PNKD: variants seen among roughly 807,000 people sequenced by gnomAD.
PNKD encodes probable thioesterase PNKD.
PNKD carries 36 observed loss-of-function variants against 45.3 expected under a neutral mutation model. That is an observed-to-expected ratio of 0.80 (90% CI 0.61 to 1.05). The LOEUF is 1.05. Among genes scored for constraint, PNKD ranks in the 50% least tolerant of loss-of-function variants. The pLI is 0.00. For synonymous variants in PNKD, 197 were observed against 210.1 expected (o/e 0.94, Z 0.54); for missense variants, 511 against 506.6 (o/e 1.01, Z -0.08).
chr2:218,323,183 A>T (rs1375004103), intron 2 of PNKD: 4 of 1,378,384 alleles, frequency 2.9e-6, no homozygotes, highest in Admixed American at 7.0e-5. Context: ...CAGAGCCGGC[A>T]GGCAGGTTCC....
chr2:218,275,229 A>C (rs1027877777), intron 2 of PNKD: 2 of 402,180 alleles, frequency 5.0e-6, no homozygotes, highest in African/African-American at 4.1e-5. Flanking sequence ...CGGGGAGAAG[A>C]CACATCTTCA....
chr2:218,336,792 T>C (rs1183556304), intron 2 of PNKD, among the ~76,000 whole-genome samples: 1 of 132,394 alleles, frequency 7.6e-6, no homozygotes, highest in African/African-American at 3.3e-5. Flanking sequence ...TCAATTCTTT[T>C]TTTTTTTTTT....
chr2:218,288,112 AC>A (rs1692662118), intron 2 of PNKD, among the ~76,000 whole-genome samples: 1 of 152,178 alleles, frequency 6.6e-6, no homozygotes, highest in African/African-American at 2.4e-5. Context: ...GACAAAGGAG[AC>A]TGATAACTAA....
chr2:218,313,121 T>TC (rs1398170106), intron 2 of PNKD, among the ~76,000 whole-genome samples: 2 of 151,982 alleles, frequency 1.3e-5, no homozygotes, highest in Admixed American at 1.3e-4. Flanking sequence ...TTTTTTTTTT[T>TC]TGGAGACAGT....
rs1475585923 is a variant in PNKD, at chr2:218,329,619, T to C, written c.237-10164T>C. 2.6e-5 allele frequency among the ~76,000 whole-genome samples: 4 copies of C among 152,210 alleles called. No individual in the cohort carries two copies. The South Asian group carries it at 6.2e-4, about 24-fold the overall frequency. ...GTCTGGGGAAGAACCTGTCCTGGGA[T>C]GGGCAGGGCGATGGCAGACCCTGAC... is the stretch of plus-strand genomic sequence containing the variant. On this transcript the variant is annotated intron_variant, in intron 2 of 9. Transcript: ENST00000273077.
intron 2 of PNKD, among the ~76,000 whole-genome samples, chr2:218,283,046 CTG>C (rs1436305883): frequency 6.6e-6 from 1 of 152,190 alleles, no homozygotes; most frequent in Non-Finnish European, 1.5e-5. Flanking sequence ...CCCAGGCTCT[CTG>C]TGAGTTCTAC....
At chr2:218,279,134 T>C in intron 2 of PNKD, 2 of 1,612,638 alleles carry the variant, frequency 1.2e-6, no homozygotes, top group Non-Finnish European at 1.7e-6. Flanking sequence ...CTGAGGCTTG[T>C]CTGCCCCACC....
rs567304424 is a variant in PNKD, at chr2:218,340,237, G to A, written c.465+96G>A. On this transcript the variant is annotated intron_variant, in intron 4 of 9. Coordinates refer to ENST00000273077, the MANE Select transcript of PNKD (RefSeq NM_015488.5). The surrounding 1 kb of genome is among the most constrained non-coding windows in gnomAD (Gnocchi z 4.2). ...AGGGCTGACCCTTGTCCGTCTGCCC[G>A]TGGGATGTGTCCCATATGCTCCATG... 6.2e-5 allele frequency: 48 copies of A among 779,388 alleles called. No individual in the cohort carries two copies. The highest frequency in any genetic ancestry group is 2.3e-4 in the Middle Eastern group (1 of 4,292). The allele number at this position is 779,388 out of a possible 1,614,324, so 48.3% of individuals were successfully genotyped here.
At position 218,334,746 on chromosome 2, in the gene PNKD, T is replaced by G. The variant is rs183433543; in HGVS notation, c.237-5037T>G. 582 of 702,832 alleles carry G rather than the reference T, an allele frequency of 8.3e-4. 8 individuals carry two copies. The East Asian group carries it at 0.015, about 18-fold the overall frequency. The allele number at this position is 702,832 out of a possible 1,614,324, so 43.5% of individuals were successfully genotyped here. A position where few individuals can be genotyped will look rare whatever the true frequency, so the allele number is the denominator to read the frequency against. ...CATACCAAGAGGCAAATGATGTCTA[T>G]ATATTGTTACTGGTGAGATTAACTT... is the stretch of plus-strand genomic sequence containing the variant. On this transcript the variant is annotated intron_variant, in intron 2 of 9. Transcript: ENST00000273077.
At chr2:218,277,177 C>T in intron 2 of PNKD, 1 of 1,291,348 alleles carries the variant, frequency 7.7e-7, no homozygotes, top group Non-Finnish European at 1.1e-6. Context: ...GCCAGGGAGT[C>T]CCAGTGCTGC....
At chr2:218,281,142 T>G (rs1391397381) in intron 2 of PNKD, 5 of 105,624 alleles carry the variant, frequency 4.7e-5, no homozygotes, top group Non-Finnish European at 1.2e-4. Context: ...TTTTTTTTGG[T>G]TTTTTTTTTG....
At chr2:218,280,374 C>T (rs989366605) in intron 2 of PNKD, 4 of 442,240 alleles carry the variant, frequency 9.0e-6, no homozygotes, top group Admixed American at 3.7e-5. Context: ...GTGCCCAGCC[C>T]ACGCCACTGG....
chr2:218,312,619 TC>T (rs1693650535), intron 2 of PNKD, among the ~76,000 whole-genome samples: 1 of 149,372 alleles, frequency 6.7e-6, no homozygotes, highest in East Asian at 2.0e-4. Flanking sequence ...ATGCCTGTAA[TC>T]CCAGCACTCT....
At chr2:218,341,744 G>A in intron 6 of PNKD, 118 bp downstream of exon 6, 2 of 842,962 alleles carry the variant, frequency 2.4e-6, no homozygotes, top group South Asian at 2.9e-5. Context: ...GCCCTTCCTG[G>A]CCCAATCCCA....
At chr2:218,316,551 G>A (rs1328170537) in intron 2 of PNKD, among the ~76,000 whole-genome samples, 1 of 152,156 alleles carries the variant, frequency 6.6e-6, no homozygotes, top group Non-Finnish European at 1.5e-5. Context: ...GATTACAGGC[G>A]TGAGCCACTG....
chr2:218,277,413 T>A, intron 2 of PNKD: 2 of 1,614,082 alleles, frequency 1.2e-6, no homozygotes, highest in Non-Finnish European at 8.5e-7. Context: ...ACCACCGCAG[T>A]GATGATCATT....
Position 218,306,475 on chromosome 2 carries a change from G to A in PNKD, c.237-33308G>A, listed in dbSNP as rs554575436. Among the ~76,000 whole-genome samples, 8 of 152,300 alleles carry A rather than the reference G, an allele frequency of 5.3e-5. No individual in the cohort carries two copies. In the East Asian group the frequency reaches 5.8e-4, roughly 11 times the overall value. ...GGAACATGTGTGGAGTACTTGAAAC[G>A]GCCCAGGCAAGGTGTCCTTTCTCTG... is the stretch of plus-strand genomic sequence containing the variant. On this transcript the variant is annotated intron_variant, in intron 2 of 9. Coordinates refer to ENST00000273077, the MANE Select transcript of PNKD (RefSeq NM_015488.5).
In PNKD at chr2:218,279,121, A is replaced by T. The variant is rs199611204; in HGVS notation, c.236+7572A>T. 106 of 1,613,434 alleles carry T rather than the reference A, an allele frequency of 6.6e-5. No individual in the cohort carries two copies. The African/African-American group carries it at 1.2e-3, about 18-fold the overall frequency. On this transcript the variant is annotated intron_variant, in intron 2 of 9. Coordinates refer to ENST00000273077, the MANE Select transcript of PNKD (RefSeq NM_015488.5). Reference sequence around the variant, plus strand: ...GGGGCACAGGAGGACAGGAGTAGTCACCCTGAGGCTTGTCTGCCCCACCCA... The same window carrying T: ...GGGGCACAGGAGGACAGGAGTAGTCTCCCTGAGGCTTGTCTGCCCCACCCA...
chr2:218,289,590 C>T (rs1275154546), intron 2 of PNKD, among the ~76,000 whole-genome samples: 2 of 126,216 alleles, frequency 1.6e-5, no homozygotes, highest in African/African-American at 3.0e-5. Flanking sequence ...TGCAGTGAGC[C>T]GAGACCATGC....
Sources: allele counts gnomAD v4.1 joint callset (sites outside exome capture counted in the v4.1 genomes callset), GRCh38; gene constraint gnomAD v4.1.1; non-coding constraint Gnocchi (gnomAD v3.1); transcripts MANE v1.5; gene names NCBI Gene and HGNC (gene_info 2026-07-23, HGNC 2026-07-21).